The following CCNT1 variants were observed in gnomAD, a reference collection of about 807,000 sequenced individuals.
The protein encoded by CCNT1 is cyclin-T1.
CCNT1 carries 18 observed loss-of-function variants against 67.3 expected under a neutral mutation model. That is an observed-to-expected ratio of 0.27 (90% CI 0.18 to 0.40). CCNT1 has a LOEUF of 0.40. Ranked by LOEUF, CCNT1 falls within the 10% of genes least tolerant of loss-of-function variation. The pLI is 1.00. For synonymous variants in CCNT1, 333 were observed against 310.3 expected (o/e 1.07, Z -0.77); for missense variants, 744 against 884.9 (o/e 0.84, Z 2.02).
At chr12:48,704,142 T>G (rs1302547383) in intron 3 of CCNT1, among the ~76,000 whole-genome samples, 1 of 152,068 alleles carries the variant, frequency 6.6e-6, no homozygotes. Flanking sequence ...ACAAAATACA[T>G]GCACACATAG....
rs201190553 is a variant in CCNT1, at chr12:48,716,570, A to G, written c.106T>C (p.Ser36Pro). 138 of 1,614,240 alleles carry G rather than the reference A, an allele frequency of 8.5e-5. 1 individual carries two copies. The Middle Eastern group carries it at 1.6e-3, about 19-fold the overall frequency. ...AGATTGGCCGCCTGCTGGCGATAAG[A>G]AAGTTCTTTATCTGGGTCCACGCCA... Reference protein sequence around the residue: ...RFGVDPDKELSYRQQAANLLQ... With the variant: ...RFGVDPDKELPYRQQAANLLQ... Residue 36 changes from serine to proline, a missense_variant, in exon 1 of 9, where the codon TCT becomes CCT. This residue lies in a region of CCNT1 where 142 missense variants were observed against 277.0 expected (regional missense o/e 0.51). Coordinates refer to ENST00000261900, the MANE Select transcript of CCNT1 (RefSeq NM_001240.4).
chr12:48,698,603 C>G (rs1489710090), intron 5 of CCNT1, among the ~76,000 whole-genome samples: 1 of 152,146 alleles, frequency 6.6e-6, no homozygotes, highest in Non-Finnish European at 1.5e-5. Context: ...GATCTAGAAG[C>G]AAGATCAGAA....
rs749554290 is a variant in CCNT1 at position 48,703,599 on chromosome 12, A to AC, written c.372+2168_372+2169insG. ...GAAAAAAAAGTTAAAAAAAAAAAAA[A>AC]TAGTGAAACTACTCATTTAAGGATC... On this transcript the variant is annotated intron_variant, in intron 3 of 8. Transcript: ENST00000261900. Among the ~76,000 whole-genome samples the AC allele has an allele frequency of 1.5e-3, 227 of 151,140 alleles. 1 individual carries two copies. Among genetic ancestry groups the AC allele is most frequent in the East Asian group, 9.0e-3 (46 of 5,138 alleles).
In CCNT1 at chr12:48,694,328, T is replaced by C. The variant is rs1170942631; in HGVS notation, c.886A>G (p.Ile296Val). 6.2e-7 allele frequency: 1 copy of C among 1,614,092 alleles called. No homozygotes were observed. The highest frequency in any genetic ancestry group is 1.3e-5 in the African/African-American group (1 of 74,954). Residue 296 changes from isoleucine (I) to valine (V), a missense_variant, in exon 9 of 9, where the codon ATT (isoleucine) becomes GTT (valine). Ile to Val is a conservative substitution (Grantham distance 29). This residue lies in a region of CCNT1 where 564 missense variants were observed against 574.2 expected (regional missense o/e 0.98). Coordinates refer to ENST00000261900, the MANE Select transcript of CCNT1 (RefSeq NM_001240.4). ...MISQSSSDTT[I>V]AGLMSMSTST... ...GTTGACATGCTCATTAAACCTGCAA[T>C]GGTTGTGTCTGAAGAGCTCTGGGAA... is the stretch of plus-strand genomic sequence containing the variant.
intron 6 of CCNT1, 28 bp downstream of exon 6, chr12:48,698,110 G>A (rs747245830): frequency 1.6e-5 from 23 of 1,420,228 alleles, no homozygotes; most frequent in South Asian, 1.1e-4. Context: ...ACCAAAAATC[G>A]AAGAGAAAAA....
chr12:48,713,146 ATTTC>A (rs983531925), intron 2 of CCNT1, among the ~76,000 whole-genome samples: 3 of 151,788 alleles, frequency 2.0e-5, no homozygotes, highest in Non-Finnish European at 4.4e-5. Flanking sequence ...AAAAAATAAA[ATTTC>A]TTTATTAGTA....
At chr12:48,711,340 A>C (rs2137243366) in intron 2 of CCNT1, among the ~76,000 whole-genome samples, 1 of 152,230 alleles carries the variant, frequency 6.6e-6, no homozygotes, top group East Asian at 1.9e-4. Context: ...AGATGGCGCC[A>C]TTGCACTCCA....
chr12:48,700,803 G>A (rs1940253272), intron 4 of CCNT1, among the ~76,000 whole-genome samples: 1 of 152,048 alleles, frequency 6.6e-6, no homozygotes, highest in Non-Finnish European at 1.5e-5. Flanking sequence ...ATAACCCACT[G>A]GCTGCTGTTT....
Position 48,694,877 on chromosome 12 carries a change from T to A in CCNT1, c.778-441A>T, listed in dbSNP as rs1001525226. On this transcript the variant is annotated intron_variant, in intron 8 of 8. Coordinates refer to ENST00000261900, the MANE Select transcript of CCNT1 (RefSeq NM_001240.4). ...TCTCACTTTGTCATCCAGGCTGGAGTGCAGTGGCACAATCTCGGCTCACTG... is the reference window on the plus strand; with the variant it reads ...TCTCACTTTGTCATCCAGGCTGGAGAGCAGTGGCACAATCTCGGCTCACTG... Among the ~76,000 whole-genome samples the A allele has an allele frequency of 2.6e-5, 4 of 152,116 alleles. No individual in the cohort carries two copies. In the East Asian group the frequency reaches 7.7e-4, roughly 29 times the overall value.
At chr12:48,708,470 C>A (rs1231497686) in intron 2 of CCNT1, among the ~76,000 whole-genome samples, 1 of 151,910 alleles carries the variant, frequency 6.6e-6, no homozygotes, top group African/African-American at 2.4e-5. Context: ...TCGCTTGAAC[C>A]CAGGAGGTGG....
chr12:48,704,476 C>T (rs1940323658), intron 3 of CCNT1, among the ~76,000 whole-genome samples: 2 of 152,064 alleles, frequency 1.3e-5, no homozygotes, highest in South Asian at 2.1e-4. Context: ...CTGTCACTGT[C>T]TCCCATCACC....
At chr12:48,701,146 C>G in intron 3 of CCNT1, 73 bp from the exon 4 acceptor site, 2 of 818,592 alleles carry the variant, frequency 2.4e-6, no homozygotes, top group Admixed American at 5.0e-5. Context: ...CTAACAATCC[C>G]TTCCAGGGAA....
At chr12:48,715,883 T>C (rs1592128823) in intron 1 of CCNT1, among the ~76,000 whole-genome samples, 2 of 152,228 alleles carry the variant, frequency 1.3e-5, no homozygotes, top group South Asian at 2.1e-4. Flanking sequence ...TAAACTAACA[T>C]CTTTCCTCTG....
rs1940065912 is a variant in CCNT1, at chr12:48,691,144, G to C, written c.*1889C>G. ...CCTCGTTTTATACCCAGCAATGGCA[G>C]GAACTCTAGACAGTTCAAATATGCA... On this transcript the variant is annotated 3_prime_UTR_variant, in exon 9 of 9. Coordinates refer to ENST00000261900, the MANE Select transcript of CCNT1 (RefSeq NM_001240.4). 1 of 152,162 alleles carries C rather than the reference G, an allele frequency of 6.6e-6. No individual in the cohort carries two copies. The highest frequency in any genetic ancestry group is 1.5e-5 in the Non-Finnish European group (1 of 68,036). The allele number at this position is 152,162 out of a possible 1,614,324, so 9.4% of individuals were successfully genotyped here.
chr12:48,694,718 G>C (rs761853600), intron 8 of CCNT1, among the ~76,000 whole-genome samples: 7 of 152,224 alleles, frequency 4.6e-5, no homozygotes, highest in Non-Finnish European at 8.8e-5. Flanking sequence ...CTTCGCTTAT[G>C]ATTATAGTTA....
In CCNT1 at chr12:48,690,978, G is replaced by A. The variant is rs1940063038; in HGVS notation, c.*2055C>T. ...ATCTAAATAAATAGAAGCCCTAAAT[G>A]TACTAAACCACAACTATATATCTAC... On this transcript the variant is annotated 3_prime_UTR_variant, in exon 9 of 9. Transcript: ENST00000261900. 1 of 152,142 alleles carries A rather than the reference G, an allele frequency of 6.6e-6. No individual in the cohort carries two copies. Among genetic ancestry groups the A allele is most frequent in the East Asian group, 1.9e-4 (1 of 5,204 alleles). The allele number at this position is 152,142 out of a possible 1,614,324, so 9.4% of individuals were successfully genotyped here. A position where few individuals can be genotyped will look rare whatever the true frequency, so the allele number is the denominator to read the frequency against.
intron 2 of CCNT1, among the ~76,000 whole-genome samples, chr12:48,706,617 GT>G (rs1940364355): frequency 6.6e-6 from 1 of 152,096 alleles, no homozygotes; most frequent in Non-Finnish European, 1.5e-5. Flanking sequence ...ATGTAGCCTG[GT>G]GATCTTGGAA....
chr12:48,712,969 T>C (rs1489853001), intron 2 of CCNT1, among the ~76,000 whole-genome samples: 1 of 152,038 alleles, frequency 6.6e-6, no homozygotes, highest in African/African-American at 2.4e-5. Flanking sequence ...CCATATGAAG[T>C]ACTCATCAAG....
intron 5 of CCNT1, 150 bp from the exon 6 acceptor site, chr12:48,698,333 C>T (rs1250462217): frequency 3.9e-6 from 2 of 517,384 alleles, no homozygotes; most frequent in Admixed American, 3.6e-5. Context: ...GTAAACCTGA[C>T]GTTTACATTC....
Sources: gnomAD v4.1 joint callset for allele counts (sites outside exome capture counted in the v4.1 genomes callset) on GRCh38, gnomAD v4.1.1 for gene constraint, gnomAD v4.1.1 regional missense constraint, MANE v1.5 for transcripts, NCBI Gene and HGNC (gene_info 2026-07-23, HGNC 2026-07-21) for gene names.